Variants in PLCB4 observed in about 807,000 individuals in gnomAD.
PLCB4 encodes 1-phosphatidylinositol 4,5-bisphosphate phosphodiesterase beta-4.
PLCB4 carries 77 observed loss-of-function variants against 178.8 expected under a neutral mutation model. The observed-to-expected ratio is 0.43, with a 90% CI of 0.36 to 0.52. The LOEUF (loss-of-function observed/expected upper bound fraction) is 0.52, where lower values mean the gene tolerates loss of function less well. PLCB4 is among the 20% of genes least tolerant of loss of function. The pLI, the probability that PLCB4 is intolerant of heterozygous loss-of-function variation, is 0.00. For synonymous variants in PLCB4, 496 were observed against 490.8 expected, an observed-to-expected ratio of 1.01 and a Z score of -0.14; for missense variants, 1,024 against 1,453.4, an observed-to-expected ratio of 0.70 and a Z score of 4.80.
intron 9 of PLCB4, among the ~76,000 whole-genome samples, chr20:9,368,539 G>A (rs1323539757): frequency 4.6e-5 from 7 of 152,292 alleles, no homozygotes; most frequent in Middle Eastern, 3.4e-3. Context: ...GCTGAGAGCC[G>A]CAGGTGCCGT....
At chr20:9,126,500 A>G (rs1378657619) in intron 2 of PLCB4, among the ~76,000 whole-genome samples, 1 of 152,202 alleles carries the variant, frequency 6.6e-6, no homozygotes, top group East Asian at 1.9e-4. Context: ...CGTATACTTC[A>G]TATTTAAAGA....
At chr20:9,385,339 A>G (rs2037496581) in intron 14 of PLCB4, among the ~76,000 whole-genome samples, 1 of 151,856 alleles carries the variant, frequency 6.6e-6, no homozygotes, top group African/African-American at 2.4e-5. Flanking sequence ...GCTGTTGGGT[A>G]CACTTCCCAG....
At chr20:9,470,589 G>T (rs975497180) in intron 36 of PLCB4, among the ~76,000 whole-genome samples, 1 of 152,132 alleles carries the variant, frequency 6.6e-6, no homozygotes, top group South Asian at 2.1e-4. Flanking sequence ...ACTTTAGCTC[G>T]GTTGAGGTCA....
chr20:9,331,646 A>G (rs2031670528), intron 4 of PLCB4, among the ~76,000 whole-genome samples: 1 of 152,228 alleles, frequency 6.6e-6, no homozygotes, highest in Non-Finnish European at 1.5e-5. Context: ...AATTGAAATA[A>G]AGGAAAAATG....
chr20:9,226,496 C>T (rs1374391233), intron 3 of PLCB4, among the ~76,000 whole-genome samples: 1 of 152,154 alleles, frequency 6.6e-6, no homozygotes, highest in African/African-American at 2.4e-5. Flanking sequence ...AATGTGAGCT[C>T]TGAAACCTGG....
intron 2 of PLCB4, among the ~76,000 whole-genome samples, chr20:9,186,704 T>C (rs1350959977): frequency 6.6e-6 from 1 of 152,190 alleles, no homozygotes; most frequent in Non-Finnish European, 1.5e-5. Context: ...AGGTCCACTT[T>C]GCAGACTGAG....
chr20:9,133,600 A>G (rs769843628), intron 2 of PLCB4, among the ~76,000 whole-genome samples: 8 of 152,154 alleles, frequency 5.3e-5, no homozygotes, highest in Non-Finnish European at 1.0e-4. Context: ...TGTCCCTACA[A>G]GCTTGTGAGT....
intron 2 of PLCB4, among the ~76,000 whole-genome samples, chr20:9,113,632 A>G (rs1200833969): frequency 6.6e-6 from 1 of 152,186 alleles, no homozygotes; most frequent in African/African-American, 2.4e-5. Context: ...AAAATGCTAA[A>G]TTTTATTTGT....
rs115279424 is a variant in PLCB4 at position 9,469,658 on chromosome 20, T to C, written c.3350+986T>C. 9.1e-3 allele frequency among the ~76,000 whole-genome samples: 1,386 copies of C among 152,296 alleles called. 25 individuals are homozygous for C. The highest frequency in any genetic ancestry group is 0.032 in the African/African-American group (1,326 of 41,552). ...CTCAAATAAAAAATTCCACCACAGA[T>C]TTGTCCCTCTTTGAAGCAAGAGTAC... On this transcript the variant is annotated intron_variant, in intron 36 of 39. Coordinates refer to ENST00000378473, the MANE Select transcript of PLCB4 (RefSeq NM_001377142.1).
At chr20:9,406,066 C>T (rs2039412268) in intron 21 of PLCB4, among the ~76,000 whole-genome samples, 1 of 152,168 alleles carries the variant, frequency 6.6e-6, no homozygotes, top group African/African-American at 2.4e-5. Flanking sequence ...ACATTACTCT[C>T]TTGTTCTAGA....
At chr20:9,274,060 T>C (rs774728517) in intron 3 of PLCB4, among the ~76,000 whole-genome samples, 4 of 152,014 alleles carry the variant, frequency 2.6e-5, no homozygotes, top group Admixed American at 1.3e-4. Flanking sequence ...TCGTAACTGA[T>C]TGGCTGGATA....
chr20:9,310,315 T>G (rs2094816328), intron 4 of PLCB4, among the ~76,000 whole-genome samples: 1 of 152,194 alleles, frequency 6.6e-6, no homozygotes, highest in Non-Finnish European at 1.5e-5. Flanking sequence ...CAAAGGTACC[T>G]TTTGTGAAGG....
chr20:9,162,585 C>G (rs1031005570), intron 2 of PLCB4, among the ~76,000 whole-genome samples: 3 of 152,170 alleles, frequency 2.0e-5, no homozygotes, highest in Non-Finnish European at 2.9e-5. Flanking sequence ...TCTGGAAACA[C>G]AGCCTTCGTT....
intron 3 of PLCB4, among the ~76,000 whole-genome samples, chr20:9,223,149 T>G (rs1312627676): frequency 1.3e-5 from 2 of 152,104 alleles, no homozygotes; most frequent in Non-Finnish European, 2.9e-5. Flanking sequence ...TCTATATATG[T>G]ATATCGTGTG....
At chr20:9,118,304 T>TA (rs33945450) in intron 2 of PLCB4, among the ~76,000 whole-genome samples, 94,456 of 134,874 alleles carry the variant, frequency 0.7, 32,340 homozygotes, top group East Asian at 0.86. Flanking sequence ...AGTATAATAA[T>TA]AAAAAAAAAA....
chr20:9,350,486 C>CTCTCTCTAG (rs1448797639), intron 7 of PLCB4, among the ~76,000 whole-genome samples: 4 of 152,166 alleles, frequency 2.6e-5, no homozygotes, highest in African/African-American at 9.7e-5. Context: ...CAGGCAGTGG[C>CTCTCTCTAG]TCTCTCTAGT....
rs2044814243 is a variant in PLCB4 at position 9,480,718 on chromosome 20, TA to T, written c.*1713del. On this transcript the variant is annotated 3_prime_UTR_variant, in exon 40 of 40. Coordinates refer to ENST00000378473, the MANE Select transcript of PLCB4 (RefSeq NM_001377142.1). ...CTCTTGTTCTTAGTTTCCTTATCTG[TA>T]AAACAGTGGAGTTAGACTACATATC... is the stretch of plus-strand genomic sequence containing the variant. The T allele has an allele frequency of 6.6e-6, 1 of 152,218 alleles. No individual in the cohort carries two copies. The highest frequency in any genetic ancestry group is 1.5e-5 in the Non-Finnish European group (1 of 68,036). The allele number at this position is 152,218 out of a possible 1,614,324, so 9.4% of individuals were successfully genotyped here. A position where few individuals can be genotyped will look rare whatever the true frequency, so the allele number is the denominator to read the frequency against.
chr20:9,435,513 C>T (rs752760794), intron 28 of PLCB4, 47 bp from the exon 29 acceptor site: 25 of 1,056,774 alleles, frequency 2.4e-5, no homozygotes, highest in Non-Finnish European at 3.7e-5. Flanking sequence ...TGAATATTTT[C>T]AGTAAAACAG....
At chr20:9,293,421 G>A (rs796245900) in intron 3 of PLCB4, among the ~76,000 whole-genome samples, 3 of 146,218 alleles carry the variant, frequency 2.1e-5, no homozygotes. Flanking sequence ...GAAGGGAAGG[G>A]AAGAAGTCAC....
Sources: allele counts gnomAD v4.1 joint callset (sites outside exome capture counted in the v4.1 genomes callset), GRCh38; gene constraint gnomAD v4.1.1; transcripts MANE v1.5; gene names NCBI Gene and HGNC (gene_info 2026-07-23, HGNC 2026-07-21).